The following PHF20 variants were observed in gnomAD, a reference collection of about 807,000 sequenced individuals.
PHF20 encodes the protein PHD finger protein 20, also known as glioma-expressed antigen 2.
In PHF20, 23 loss-of-function variants were observed where a neutral mutation model predicts 113.5. The ratio of observed to expected loss-of-function variants is 0.20; its 90% CI spans 0.15 to 0.29. PHF20 has a LOEUF of 0.29. PHF20 is among the 10% of genes least tolerant of loss of function. The pLI is 1.00. For missense variants in PHF20, 943 were observed against 1,219.6 expected (o/e 0.77, Z 3.38); for synonymous variants, 434 against 457.3 (o/e 0.95, Z 0.65).
intron 17 of PHF20, among the ~76,000 whole-genome samples, chr20:35,942,596 TG>T (rs2056004179): frequency 6.6e-6 from 1 of 152,208 alleles, no homozygotes; most frequent in Non-Finnish European, 1.5e-5. Context: ...CCCCCTTCTT[TG>T]GCCTCACAGA....
chr20:35,926,602 CA>C (rs1286959277), intron 13 of PHF20, among the ~76,000 whole-genome samples: 7 of 152,094 alleles, frequency 4.6e-5, no homozygotes, highest in Admixed American at 2.0e-4. Flanking sequence ...TGTCACTTTA[CA>C]TATCTTCTCT....
rs541040823 is a variant in PHF20, at chr20:35,879,601, A to G, written c.1282+7772A>G. 2.0e-5 allele frequency among the ~76,000 whole-genome samples: 3 copies of G among 152,236 alleles called. No individual in the cohort carries two copies. The East Asian group carries it at 5.8e-4, about 29-fold the overall frequency. On this transcript the variant is annotated intron_variant, in intron 9 of 17. Transcript: ENST00000374012. ...GGCCAGACAGTGTACCCAAACTTTTATATACCATCGAATGTTATTACACTT... is the reference window on the plus strand; with the variant it reads ...GGCCAGACAGTGTACCCAAACTTTTGTATACCATCGAATGTTATTACACTT...
intron 2 of PHF20, among the ~76,000 whole-genome samples, chr20:35,812,497 T>G (rs2041995875): frequency 6.6e-6 from 1 of 152,246 alleles, no homozygotes; most frequent in Non-Finnish European, 1.5e-5. Context: ...TTTTTTAGAA[T>G]GTCCCACATT....
At chr20:35,775,346 T>C (rs1235440873) in intron 1 of PHF20, among the ~76,000 whole-genome samples, 1 of 152,194 alleles carries the variant, frequency 6.6e-6, no homozygotes, top group African/African-American at 2.4e-5. Context: ...TGGTTAGCCT[T>C]ATATTTTTTT....
chr20:35,903,813 A>G (rs181331726), intron 10 of PHF20, among the ~76,000 whole-genome samples: 2 of 152,314 alleles, frequency 1.3e-5, no homozygotes, highest in East Asian at 3.9e-4. Flanking sequence ...GTAGCTGGCT[A>G]TCAATGAGAG....
At chr20:35,920,802 A>C (rs1051657140) in intron 13 of PHF20, among the ~76,000 whole-genome samples, 51 of 152,208 alleles carry the variant, frequency 3.4e-4, no homozygotes, top group African/African-American at 1.1e-3. Flanking sequence ...AATAGCCTTC[A>C]TAGTAACCTC....
At chr20:35,815,138 A>C (rs1190813149) in intron 2 of PHF20, among the ~76,000 whole-genome samples, 4 of 152,040 alleles carry the variant, frequency 2.6e-5, no homozygotes, top group African/African-American at 9.7e-5. Context: ...CAGAGGTTGC[A>C]GTGAGCTGAG....
intron 10 of PHF20, among the ~76,000 whole-genome samples, chr20:35,901,369 C>T (rs1020472671): frequency 2.7e-5 from 4 of 146,400 alleles, no homozygotes; most frequent in African/African-American, 5.1e-5. Context: ...GAGCCAAGAT[C>T]GTGACACTGC....
intron 2 of PHF20, among the ~76,000 whole-genome samples, chr20:35,827,308 C>T (rs939341150): frequency 1.3e-5 from 2 of 152,198 alleles, no homozygotes; most frequent in Non-Finnish European, 2.9e-5. Context: ...TGTATGTTTG[C>T]AGACAAACTG....
intron 2 of PHF20, among the ~76,000 whole-genome samples, chr20:35,808,608 C>G (rs1305445452): frequency 6.6e-6 from 1 of 151,942 alleles, no homozygotes; most frequent in Non-Finnish European, 1.5e-5. Flanking sequence ...GAGTCTCGCC[C>G]TGTCTCCCAG....
At chr20:35,810,015 C>G (rs950486439) in intron 2 of PHF20, among the ~76,000 whole-genome samples, 3 of 152,078 alleles carry the variant, frequency 2.0e-5, no homozygotes, top group Non-Finnish European at 4.4e-5. Context: ...CTGCAACCTC[C>G]GCCTCCTGAG....
At chr20:35,813,017 GGAGC>G (rs769554192) in intron 2 of PHF20, among the ~76,000 whole-genome samples, 1 of 152,114 alleles carries the variant, frequency 6.6e-6, no homozygotes, top group African/African-American at 2.4e-5. Flanking sequence ...CGCCCAGGCT[GGAGC>G]ACAGTGGTGC....
intron 3 of PHF20, among the ~76,000 whole-genome samples, chr20:35,844,577 A>G (rs1459161503): frequency 6.7e-6 from 1 of 150,262 alleles, no homozygotes; most frequent in African/African-American, 2.5e-5. Context: ...ACACACACAC[A>G]CACACACACA....
intron 3 of PHF20, among the ~76,000 whole-genome samples, chr20:35,843,572 A>G (rs2042569930): frequency 6.6e-6 from 1 of 151,052 alleles, no homozygotes; most frequent in Non-Finnish European, 1.5e-5. Context: ...ACGTTGTACT[A>G]AGTCTCATAT....
At chr20:35,892,906 C>G (rs1311023950) in intron 9 of PHF20, among the ~76,000 whole-genome samples, 1 of 152,182 alleles carries the variant, frequency 6.6e-6, no homozygotes, top group Non-Finnish European at 1.5e-5. Context: ...ATTTGTAATG[C>G]TCAAATCTTC....
At chr20:35,780,115 G>T (rs1167759832) in intron 1 of PHF20, among the ~76,000 whole-genome samples, 2 of 151,736 alleles carry the variant, frequency 1.3e-5, no homozygotes, top group African/African-American at 2.4e-5. Flanking sequence ...TCTAGCTAAC[G>T]TGCTTTTTCC....
intron 2 of PHF20, among the ~76,000 whole-genome samples, chr20:35,825,527 G>A (rs2042245142): frequency 6.6e-6 from 1 of 152,152 alleles, no homozygotes. Context: ...CCAAAGCACT[G>A]GGGTTACAGG....
intron 1 of PHF20, among the ~76,000 whole-genome samples, chr20:35,796,648 T>G (rs2041672221): frequency 6.6e-6 from 1 of 152,202 alleles, no homozygotes. Context: ...GTGATAATTT[T>G]GACACAACAT....
intron 15 of PHF20, among the ~76,000 whole-genome samples, chr20:35,933,994 A>C (rs956191801): frequency 6.6e-6 from 1 of 152,214 alleles, no homozygotes; most frequent in Non-Finnish European, 1.5e-5. Context: ...GTGATACTGC[A>C]TGACCTTGTG....
Sources: allele counts gnomAD v4.1 joint callset (sites outside exome capture counted in the v4.1 genomes callset), GRCh38; gene constraint gnomAD v4.1.1; transcripts MANE v1.5; gene names NCBI Gene and HGNC (gene_info 2026-07-23, HGNC 2026-07-21).